Variants in FAM178B observed in about 807,000 individuals in gnomAD.
The protein encoded by FAM178B is family with sequence similarity 178 member B.
In FAM178B, 82 loss-of-function variants were observed where a neutral mutation model predicts 91.7. The ratio of observed to expected loss-of-function variants is 0.89; its 90% confidence interval spans 0.75 to 1.07. The LOEUF is 1.07. FAM178B is among the 50% of genes least tolerant of loss of function. FAM178B has a pLI of 0.00. For missense variants in FAM178B, 769 were observed against 846.7 expected, an observed-to-expected ratio of 0.91 and a Z score of 1.14; for synonymous variants, 368 against 359.4, an observed-to-expected ratio of 1.02 and a Z score of -0.27.
intron 14 of FAM178B, 49 bp from the exon 15 acceptor site, chr2:96,878,542 A>AC: frequency 6.3e-7 from 1 of 1,576,426 alleles, no homozygotes; most frequent in Non-Finnish European, 8.7e-7. Flanking sequence ...CACCCAGGGC[A>AC]GCATGGCGTG....
At chr2:96,942,986 C>G (rs1161201419) in intron 8 of FAM178B, among the ~76,000 whole-genome samples, 1 of 152,064 alleles carries the variant, frequency 6.6e-6, no homozygotes, top group Non-Finnish European at 1.5e-5. Flanking sequence ...AAACCACATA[C>G]AAAAATGAAC....
intron 12 of FAM178B, among the ~76,000 whole-genome samples, chr2:96,912,857 C>T (rs1341966773): frequency 6.6e-6 from 1 of 152,182 alleles, no homozygotes; most frequent in Non-Finnish European, 1.5e-5. Context: ...GACCTTCTGG[C>T]CTCACCCGCC....
intron 11 of FAM178B, 47 bp downstream of exon 11, chr2:96,921,431 C>T (rs2081337459): frequency 6.5e-7 from 1 of 1,549,360 alleles, no homozygotes; most frequent in African/African-American, 1.4e-5. Flanking sequence ...CCACCTTGGT[C>T]CCTAGTGATG....
At chr2:96,876,436 G>T in intron 16 of FAM178B, 128 bp from the exon 17 acceptor site, 1 of 1,182,364 alleles carries the variant, frequency 8.5e-7, no homozygotes, top group South Asian at 1.4e-5. Context: ...CGAGTGAGCA[G>T]GATGCCTGGG....
At position 96,972,110 on chromosome 2, in the gene FAM178B, T is replaced by G; in HGVS notation, c.355A>C (p.Asn119His). Residue 119 changes from asparagine to histidine, a missense_variant, in exon 3 of 17, where the codon AAC becomes CAC. Physicochemically the swap from Asn to His is moderately conservative, Grantham distance 68. Coordinates refer to ENST00000490605, the MANE Select transcript of FAM178B (RefSeq NM_001122646.3). Reference sequence around the variant, plus strand: ...CGACTGGCCTGCAGCACCCTCGGGTTGAGGAATTCCACGGGCGGGGGGCTC... The same window carrying G: ...CGACTGGCCTGCAGCACCCTCGGGTGGAGGAATTCCACGGGCGGGGGGCTC... ...DWSPPPVEFLNPRVLQASREA... is the reference protein window; with the variant it reads ...DWSPPPVEFLHPRVLQASREA... 2.6e-6 allele frequency: 4 copies of G among 1,523,202 alleles called. No homozygotes were observed. The highest frequency in any genetic ancestry group is 2.6e-6 in the Non-Finnish European group (3 of 1,133,178). 94.4% of individuals were successfully genotyped at this position (1,523,202 alleles called of 1,614,324 possible).
At chr2:96,975,026 G>A (rs1188552475) in intron 1 of FAM178B, among the ~76,000 whole-genome samples, 1 of 148,828 alleles carries the variant, frequency 6.7e-6, no homozygotes, top group Non-Finnish European at 1.5e-5. Flanking sequence ...GGGAGGCGGA[G>A]GTTGCAGTAA....
intron 10 of FAM178B, among the ~76,000 whole-genome samples, chr2:96,922,893 C>T (rs576909717): frequency 6.6e-6 from 1 of 151,768 alleles, no homozygotes; most frequent in East Asian, 1.9e-4. Flanking sequence ...AGGCTGGTCT[C>T]GAACTCCTGA....
intron 5 of FAM178B, among the ~76,000 whole-genome samples, chr2:96,966,065 T>G (rs1398293323): frequency 2.0e-5 from 3 of 152,132 alleles, no homozygotes; most frequent in South Asian, 2.1e-4. Context: ...GAGGGTCCTA[T>G]GCAGACATGT....
chr2:96,966,118 C>T (rs1218023052), intron 5 of FAM178B, among the ~76,000 whole-genome samples: 1 of 152,050 alleles, frequency 6.6e-6, no homozygotes, highest in East Asian at 1.9e-4. Flanking sequence ...CCAGTGCCTG[C>T]CCCTGGCCTC....
At chr2:96,961,673 A>C (rs1231644069) in intron 5 of FAM178B, among the ~76,000 whole-genome samples, 1 of 152,170 alleles carries the variant, frequency 6.6e-6, no homozygotes, top group Non-Finnish European at 1.5e-5. Context: ...CAGGGGCAGA[A>C]CAGCCCAGGG....
intron 4 of FAM178B, among the ~76,000 whole-genome samples, chr2:96,969,584 A>G: frequency 6.6e-6 from 1 of 152,244 alleles, no homozygotes; most frequent in East Asian, 1.9e-4. Context: ...ACCGACAAGC[A>G]GTCACGAGGA....
At chr2:96,985,405 C>T (rs1441490702) in intron 1 of FAM178B, among the ~76,000 whole-genome samples, 1 of 152,196 alleles carries the variant, frequency 6.6e-6, no homozygotes, top group African/African-American at 2.4e-5. Context: ...CTTGTCTCCC[C>T]GAATCCTGCA....
At chr2:96,910,534 C>T (rs1384834197) in intron 12 of FAM178B, among the ~76,000 whole-genome samples, 1 of 152,236 alleles carries the variant, frequency 6.6e-6, no homozygotes, top group Non-Finnish European at 1.5e-5. Context: ...CCAAACCGCA[C>T]TCCTTGCTTC....
intron 6 of FAM178B, chr2:96,956,748 G>A (rs1433685719): frequency 1.3e-5 from 2 of 152,228 alleles, no homozygotes; most frequent in Non-Finnish European, 2.9e-5. Flanking sequence ...GTACTAACCA[G>A]GCCGGGCCCT....
intron 8 of FAM178B, among the ~76,000 whole-genome samples, chr2:96,935,061 G>C (rs563289619): frequency 6.6e-6 from 1 of 152,284 alleles, no homozygotes; most frequent in East Asian, 1.9e-4. Flanking sequence ...AAGCACTCGA[G>C]GCCCCCGGTA....
intron 12 of FAM178B, among the ~76,000 whole-genome samples, chr2:96,904,671 G>A (rs2153369481): frequency 6.6e-6 from 1 of 150,990 alleles, no homozygotes; most frequent in Middle Eastern, 3.5e-3. Flanking sequence ...TGGAATTACA[G>A]GCATGAGCCA....
Position 96,986,502 on chromosome 2 carries a change from G to T in FAM178B, c.-189C>A. On this transcript the variant is annotated 5_prime_UTR_variant, in exon 1 of 17. Coordinates refer to ENST00000490605, the MANE Select transcript of FAM178B (RefSeq NM_001122646.3). ...TGGAACCTAAAGATCCAGTTCTGGG[G>T]ATTGAGTTCCGACTCCAAACCAAGC... 1 of 690,348 alleles carries T rather than the reference G, an allele frequency of 1.4e-6. No individual in the cohort carries two copies. The highest frequency in any genetic ancestry group is 2.3e-6 in the Non-Finnish European group (1 of 432,262). 42.8% of individuals were successfully genotyped at this position (690,348 alleles called of 1,614,324 possible). A position where few individuals can be genotyped will look rare whatever the true frequency, so the allele number is the denominator to read the frequency against.
At chr2:96,894,910 C>T in intron 13 of FAM178B, 1 of 296,278 alleles carries the variant, frequency 3.4e-6, no homozygotes, top group South Asian at 2.9e-5. Context: ...CACCCACACT[C>T]ACCCACACCC....
intron 1 of FAM178B, among the ~76,000 whole-genome samples, chr2:96,977,132 T>C (rs898878765): frequency 2.1e-5 from 3 of 142,912 alleles, no homozygotes; most frequent in Non-Finnish European, 4.5e-5. Context: ...GAGGCAGAGG[T>C]TGCAGTGAGC....
Sources: allele counts gnomAD v4.1 joint callset (sites outside exome capture counted in the v4.1 genomes callset), GRCh38; gene constraint gnomAD v4.1.1; transcripts MANE v1.5; gene names NCBI Gene and HGNC (gene_info 2026-07-23, HGNC 2026-07-21).